Variants in TANC2 observed in about 807,000 individuals in gnomAD.
TANC2 encodes the protein protein TANC2.
Under a neutral mutation model 210.5 loss-of-function variants are expected in TANC2, and 26 were observed. The observed-to-expected ratio is 0.12, with a 90% confidence interval of 0.09 to 0.17. The LOEUF (loss-of-function observed/expected upper bound fraction) is 0.17. Ranked by LOEUF, TANC2 falls within the 10% of genes least tolerant of loss-of-function variation. The pLI, the probability that TANC2 is intolerant of heterozygous loss-of-function variation, is 1.00. For synonymous variants in TANC2, 931 were observed against 967.1 expected, an observed-to-expected ratio of 0.96 and a Z score of 0.69; for missense variants, 2,129 against 2,608.9, an observed-to-expected ratio of 0.82 and a Z score of 4.01.
At chr17:63,176,061 C>T (rs563518278) in intron 5 of TANC2, among the ~76,000 whole-genome samples, 10 of 152,200 alleles carry the variant, frequency 6.6e-5, no homozygotes, top group South Asian at 4.2e-4. Context: ...CAAGTGTTGG[C>T]GAGAATATGG....
chr17:63,108,158 C>T (rs1766761549), intron 4 of TANC2, among the ~76,000 whole-genome samples: 1 of 151,582 alleles, frequency 6.6e-6, no homozygotes, highest in African/African-American at 2.4e-5. Flanking sequence ...GAACACTAGG[C>T]ATAAATGAGT....
intron 2 of TANC2, among the ~76,000 whole-genome samples, chr17:63,020,478 T>G (rs1453842272): frequency 6.6e-6 from 1 of 152,056 alleles, no homozygotes; most frequent in Non-Finnish European, 1.5e-5. Context: ...TAATTTAAAA[T>G]TTTTTTTATA....
chr17:63,240,942 A>C (rs1244257086), intron 8 of TANC2, among the ~76,000 whole-genome samples: 1 of 152,150 alleles, frequency 6.6e-6, no homozygotes, highest in African/African-American at 2.4e-5. Flanking sequence ...TGACTGTCAC[A>C]ATCTAAACTT....
chr17:63,201,185 A>T (rs2041520527), intron 7 of TANC2, among the ~76,000 whole-genome samples: 1 of 152,048 alleles, frequency 6.6e-6, no homozygotes, highest in Non-Finnish European at 1.5e-5. Flanking sequence ...GATAAGAAGG[A>T]GTGGATTTAA....
At chr17:63,122,470 C>T (rs566506217) in intron 4 of TANC2, among the ~76,000 whole-genome samples, 1 of 152,322 alleles carries the variant, frequency 6.6e-6, no homozygotes, top group South Asian at 2.1e-4. Flanking sequence ...GGTCTAGTGG[C>T]TCATGCCTGT....
intron 11 of TANC2, among the ~76,000 whole-genome samples, chr17:63,328,697 A>C (rs907439908): frequency 1.3e-5 from 2 of 151,694 alleles, no homozygotes; most frequent in African/African-American, 4.8e-5. Flanking sequence ...TCCCTTGTAC[A>C]AATTTTCAGA....
At chr17:63,110,608 G>A (rs143330117) in intron 4 of TANC2, among the ~76,000 whole-genome samples, 2 of 152,208 alleles carry the variant, frequency 1.3e-5, no homozygotes, top group Non-Finnish European at 2.9e-5. Flanking sequence ...GGGACATTTC[G>A]TCCACACCTG....
intron 7 of TANC2, among the ~76,000 whole-genome samples, chr17:63,228,629 T>G (rs2042389464): frequency 6.6e-6 from 1 of 152,206 alleles, no homozygotes; most frequent in Non-Finnish European, 1.5e-5. Flanking sequence ...GTAGTTCTCC[T>G]TGAAGAGGTC....
chr17:63,237,779 G>T, intron 7 of TANC2, 35 bp from the exon 8 acceptor site: 1 of 1,511,738 alleles, frequency 6.6e-7, no homozygotes, highest in Non-Finnish European at 8.9e-7. Context: ...TATGTATGTG[G>T]CTTTATTAAA....
intron 1 of TANC2, among the ~76,000 whole-genome samples, chr17:62,983,247 T>A (rs1411148288): frequency 6.6e-6 from 1 of 152,088 alleles, no homozygotes; most frequent in Non-Finnish European, 1.5e-5. Flanking sequence ...TTTTAGCTAG[T>A]TTATTGTTTG....
chr17:63,086,268 T>C (rs1412286402), intron 3 of TANC2, among the ~76,000 whole-genome samples: 1 of 152,142 alleles, frequency 6.6e-6, no homozygotes, highest in Non-Finnish European at 1.5e-5. Flanking sequence ...TGGTTTGGTA[T>C]CTGACATTAA....
intron 17 of TANC2, among the ~76,000 whole-genome samples, chr17:63,392,178 C>T (rs943457694): frequency 3.3e-5 from 5 of 152,282 alleles, no homozygotes; most frequent in East Asian, 1.9e-4. Context: ...GCGTCAAACC[C>T]GACTGGGTTC....
chr17:63,314,798 T>C, intron 10 of TANC2, 129 bp downstream of exon 10: 1 of 1,176,630 alleles, frequency 8.5e-7, no homozygotes, highest in Non-Finnish European at 1.2e-6. Flanking sequence ...GGACTATTCA[T>C]TTAGGTTGAG....
At chr17:63,366,893 A>G (rs1421986120) in intron 14 of TANC2, among the ~76,000 whole-genome samples, 2 of 152,226 alleles carry the variant, frequency 1.3e-5, no homozygotes, top group East Asian at 3.8e-4. Context: ...TTTCGCCAAG[A>G]AGCATGAGTA....
chr17:62,992,827 T>G (rs2032935059), intron 1 of TANC2, among the ~76,000 whole-genome samples: 1 of 152,218 alleles, frequency 6.6e-6, no homozygotes, highest in African/African-American at 2.4e-5. Context: ...TTCCACAAAT[T>G]TAGTGGCTTA....
chr17:63,426,956 T>G (rs969267272), exon 28 of TANC2: 1 of 152,234 alleles, frequency 6.6e-6, no homozygotes, highest in African/African-American at 2.4e-5. Context: ...GTACCTGCCT[T>G]ATTGCATACC....
intron 7 of TANC2, among the ~76,000 whole-genome samples, chr17:63,205,368 A>C (rs1382339147): frequency 6.7e-6 from 1 of 149,100 alleles, no homozygotes; most frequent in Admixed American, 6.7e-5. Flanking sequence ...AAAAAAAAAA[A>C]AAAACCTCAT....
intron 11 of TANC2, among the ~76,000 whole-genome samples, chr17:63,326,769 C>T (rs1435771655): frequency 6.6e-6 from 1 of 151,786 alleles, no homozygotes; most frequent in Non-Finnish European, 1.5e-5. Context: ...TCTAATGTTG[C>T]ATGACCAAAA....
intron 8 of TANC2, among the ~76,000 whole-genome samples, chr17:63,247,734 G>C (rs1450094842): frequency 6.6e-6 from 1 of 152,096 alleles, no homozygotes; most frequent in Non-Finnish European, 1.5e-5. Flanking sequence ...CTCTGTCCTG[G>C]AGAACAAGAT....
Sources: allele counts gnomAD v4.1 joint callset (sites outside exome capture counted in the v4.1 genomes callset), GRCh38; gene constraint gnomAD v4.1.1; transcripts MANE v1.5; gene names NCBI Gene and HGNC (gene_info 2026-07-23, HGNC 2026-07-21).